DIP2B: variants seen among roughly 807,000 people sequenced by gnomAD.
The protein encoded by DIP2B is disco-interacting protein 2 homolog B.
Under a neutral mutation model 198.0 loss-of-function variants are expected in DIP2B, and 76 were observed. That is an observed-to-expected ratio of 0.38 (90% CI 0.32 to 0.46). The LOEUF is 0.46. DIP2B is among the 20% of genes least tolerant of loss of function. The probability of loss-of-function intolerance (pLI) is 0.99; values close to 1 mark genes in which losing one functional copy is unlikely to be tolerated. For synonymous variants in DIP2B, 701 were observed against 739.1 expected (o/e 0.95, Z 0.84); for missense variants, 1,559 against 1,978.4 (o/e 0.79, Z 4.02).
chr12:50,670,508 G>A (rs1244010827), intron 4 of DIP2B, among the ~76,000 whole-genome samples: 3 of 151,868 alleles, frequency 2.0e-5, no homozygotes, highest in Non-Finnish European at 2.9e-5. Flanking sequence ...CTCTGCCTCC[G>A]AGGTTCAAAC....
At chr12:50,618,660 G>A (rs1937747197) in intron 1 of DIP2B, among the ~76,000 whole-genome samples, 1 of 152,152 alleles carries the variant, frequency 6.6e-6, no homozygotes, top group Non-Finnish European at 1.5e-5. Context: ...CACTTACTAG[G>A]TGTGACTGTA....
intron 4 of DIP2B, among the ~76,000 whole-genome samples, chr12:50,663,004 G>A (rs1938679041): frequency 6.6e-6 from 1 of 152,198 alleles, no homozygotes; most frequent in Non-Finnish European, 1.5e-5. Context: ...AGCCACTCAG[G>A]AGGCTGAGGC....
chr12:50,723,071 G>T (rs1939870682), intron 26 of DIP2B, 131 bp from the exon 27 acceptor site: 4 of 1,043,462 alleles, frequency 3.8e-6, no homozygotes, highest in Non-Finnish European at 5.5e-6. Flanking sequence ...TTCTGCTAGG[G>T]TCTTTGTTAA....
Position 50,707,946 on chromosome 12 carries a change from G to A in DIP2B, c.2535-502G>A, listed in dbSNP as rs150099606. On this transcript the variant is annotated intron_variant, in intron 21 of 37. Coordinates refer to ENST00000301180, the MANE Select transcript of DIP2B (RefSeq NM_173602.3). Reference sequence around the variant, plus strand: ...GGCCTTCTTGCTGTTCCTCAAACCTGCCAAGCTCGTCCCTACCTCAGAACC... The same window carrying A: ...GGCCTTCTTGCTGTTCCTCAAACCTACCAAGCTCGTCCCTACCTCAGAACC... 1.6e-3 allele frequency among the ~76,000 whole-genome samples: 239 copies of A among 151,982 alleles called. 1 individual carries two copies. Among genetic ancestry groups the A allele is most frequent in the African/African-American group, 5.5e-3 (227 of 41,438 alleles).
chr12:50,585,469 G>C (rs1053997684), intron 1 of DIP2B, among the ~76,000 whole-genome samples: 1 of 152,192 alleles, frequency 6.6e-6, no homozygotes, highest in Non-Finnish European at 1.5e-5. Flanking sequence ...ATTTTGGCAA[G>C]GACTCCAATG....
intron 1 of DIP2B, among the ~76,000 whole-genome samples, chr12:50,516,213 A>ATCTCCCTC (rs1158158017): frequency 2.5e-4 from 32 of 128,622 alleles, no homozygotes; most frequent in African/African-American, 8.1e-4. Context: ...TAGAGGCACC[A>ATCTCCCTC]TCTCTCTCTC....
chr12:50,550,734 A>G (rs569356715), intron 1 of DIP2B, among the ~76,000 whole-genome samples: 1 of 152,338 alleles, frequency 6.6e-6, no homozygotes, highest in South Asian at 2.1e-4. Context: ...ACTGTAGCCC[A>G]GTGGCAGATA....
chr12:50,739,585 A>T lies in DIP2B; in HGVS notation c.4353A>T (p.Gly1451=). 6.2e-7 allele frequency: 1 copy of T among 1,613,012 alleles called. No individual in the cohort carries two copies. The highest frequency in any genetic ancestry group is 8.5e-7 in the Non-Finnish European group (1 of 1,179,132). ...GGACCGAGCTCACAGCGGCCACTGG[A>T]GGTACTTCTGCAACAACTCCCCATT... is the stretch of plus-strand genomic sequence containing the variant. ...VRRTELTAAT[G]ERHDALYVVG... The change falls in exon 36 of 38, where the codon GGA becomes GGT. Residue 1451 remains glycine, a splice_region_variant and synonymous_variant. Coordinates refer to ENST00000301180, the MANE Select transcript of DIP2B (RefSeq NM_173602.3).
At chr12:50,574,221 A>T (rs1340279363) in intron 1 of DIP2B, among the ~76,000 whole-genome samples, 4 of 152,256 alleles carry the variant, frequency 2.6e-5, no homozygotes. Flanking sequence ...AGATAATTAG[A>T]TTAATCTAAA....
At chr12:50,581,524 AG>A (rs1958724031) in intron 1 of DIP2B, among the ~76,000 whole-genome samples, 1 of 149,282 alleles carries the variant, frequency 6.7e-6, no homozygotes. Flanking sequence ...GAAATGTGGA[AG>A]GGGGTAGAGG....
intron 3 of DIP2B, among the ~76,000 whole-genome samples, chr12:50,651,689 G>T (rs939689091): frequency 6.6e-6 from 1 of 151,938 alleles, no homozygotes; most frequent in Admixed American, 6.6e-5. Context: ...TCTTCCTGTC[G>T]GTCTTTATGC....
chr12:50,602,035 A>G (rs1427314374), intron 1 of DIP2B, among the ~76,000 whole-genome samples: 1 of 152,260 alleles, frequency 6.6e-6, no homozygotes, highest in Non-Finnish European at 1.5e-5. Flanking sequence ...TGAATTACAA[A>G]GGAACTCTTG....
chr12:50,705,259 A>C (rs1939494019), intron 20 of DIP2B, among the ~76,000 whole-genome samples: 1 of 152,108 alleles, frequency 6.6e-6, no homozygotes, highest in Admixed American at 6.6e-5. Flanking sequence ...ATCTAATTTT[A>C]TTTTATTTCT....
chr12:50,722,435 G>A lies in DIP2B; in HGVS notation c.3167-767G>A, dbSNP rs190898402. On this transcript the variant is annotated intron_variant, in intron 26 of 37. Coordinates refer to ENST00000301180, the MANE Select transcript of DIP2B (RefSeq NM_173602.3). ...CGCCCAGCTAATTTTTGTATTTTTAGTAGAGATGGGGTTTCACCATGTTGG... is the reference window on the plus strand; with the variant it reads ...CGCCCAGCTAATTTTTGTATTTTTAATAGAGATGGGGTTTCACCATGTTGG... Among the ~76,000 whole-genome samples the A allele has an allele frequency of 3.3e-3, 507 of 152,096 alleles. 1 individual carries two copies. In the Middle Eastern group the frequency reaches 0.034, roughly 10 times the overall value.
intron 1 of DIP2B, among the ~76,000 whole-genome samples, chr12:50,521,113 T>G (rs2139352187): frequency 6.7e-6 from 1 of 148,724 alleles, no homozygotes. Flanking sequence ...TTTTTTTTTT[T>G]TTTTTTAATT....
At chr12:50,542,972 A>G (rs534010513) in intron 1 of DIP2B, among the ~76,000 whole-genome samples, 1 of 151,826 alleles carries the variant, frequency 6.6e-6, no homozygotes, top group Non-Finnish European at 1.5e-5. Flanking sequence ...ACCTCAAGCT[A>G]TCCTCCCACC....
chr12:50,527,547 G>A (rs969547080), intron 1 of DIP2B, among the ~76,000 whole-genome samples: 2 of 152,128 alleles, frequency 1.3e-5, no homozygotes, highest in Admixed American at 1.3e-4. Flanking sequence ...AGGCCGAGGC[G>A]GGAGGATTGC....
intron 1 of DIP2B, among the ~76,000 whole-genome samples, chr12:50,614,579 G>A (rs1376424731): frequency 6.6e-6 from 1 of 152,144 alleles, no homozygotes; most frequent in East Asian, 1.9e-4. Flanking sequence ...TTCATCCAAC[G>A]TTGAGCTAAA....
intron 32 of DIP2B, 78 bp downstream of exon 32, chr12:50,732,614 G>A (rs1344082169): frequency 9.6e-6 from 15 of 1,558,326 alleles, no homozygotes; most frequent in African/African-American, 1.4e-5. Context: ...TTTGGAGCCA[G>A]GCTGCCTGGG....
Sources: gnomAD v4.1 joint callset for allele counts (sites outside exome capture counted in the v4.1 genomes callset) on GRCh38, gnomAD v4.1.1 for gene constraint, MANE v1.5 for transcripts, NCBI Gene and HGNC (gene_info 2026-07-23, HGNC 2026-07-21) for gene names.